The following IL1RAPL2 variants were observed in gnomAD, a reference collection of about 807,000 sequenced individuals.
IL1RAPL2 encodes X-linked interleukin-1 receptor accessory protein-like 2.
IL1RAPL2 carries 3 observed loss-of-function variants against 44.1 expected under a neutral mutation model. The observed-to-expected ratio is 0.07, with a 90% CI of 0.03 to 0.18. IL1RAPL2 has a LOEUF of 0.18. IL1RAPL2 is among the 10% of genes least tolerant of loss of function. IL1RAPL2 has a pLI of 1.00. For synonymous variants in IL1RAPL2, 181 were observed against 178.8 expected (o/e 1.01, Z -0.10); for missense variants, 391 against 496.4 (o/e 0.79, Z 2.02).
chrX:104,962,373 T>A (rs759163967), intron 2 of IL1RAPL2, among the ~76,000 whole-genome samples: 1 of 112,072 alleles, frequency 8.9e-6, no homozygotes. Context: ...TTTAGGTTTA[T>A]TGACTTCTTT....
At chrX:105,205,755 A>G (rs558574735) in intron 3 of IL1RAPL2, among the ~76,000 whole-genome samples, 75 of 107,215 alleles carry the variant, frequency 7.0e-4, no homozygotes, top group African/African-American at 2.5e-3. Flanking sequence ...TAAAAAGTTG[A>G]TTTTTAAATT....
At chrX:104,763,577 A>T (rs1187659483) in intron 2 of IL1RAPL2, among the ~76,000 whole-genome samples, 1 of 111,884 alleles carries the variant, frequency 8.9e-6, no homozygotes, top group Non-Finnish European at 1.9e-5. Context: ...TAATAAAGAC[A>T]TGTCCCAGAT....
At chrX:105,353,815 G>A (rs1016676728) in intron 5 of IL1RAPL2, among the ~76,000 whole-genome samples, 4 of 111,572 alleles carry the variant, frequency 3.6e-5, no homozygotes, top group African/African-American at 1.3e-4. Context: ...TTGCCTATCA[G>A]CTTAAGGAGA....
At chrX:105,263,895 T>C (rs1200754957) in intron 4 of IL1RAPL2, among the ~76,000 whole-genome samples, 2 of 111,558 alleles carry the variant, frequency 1.8e-5, no homozygotes, top group African/African-American at 3.3e-5. Flanking sequence ...ACACAGTGAG[T>C]TCAGTATTAG....
chrX:104,933,312 C>CT (rs912174147), intron 2 of IL1RAPL2, among the ~76,000 whole-genome samples: 12 of 111,459 alleles, frequency 1.1e-4, no homozygotes, highest in Non-Finnish European at 2.3e-4. Flanking sequence ...AAAATCTCAT[C>CT]TTTCCCCCCA....
At chrX:104,633,828 TG>T (rs1356844863) in intron 1 of IL1RAPL2, among the ~76,000 whole-genome samples, 4 of 111,683 alleles carry the variant, frequency 3.6e-5, no homozygotes, top group Non-Finnish European at 7.5e-5. Flanking sequence ...AGGGTTTTTT[TG>T]TGTCTCTATT....
chrX:105,406,233 T>C, intron 5 of IL1RAPL2: 1 of 1,123,771 alleles, frequency 8.9e-7, no homozygotes, highest in South Asian at 1.8e-5. Flanking sequence ...CTGGCCCACA[T>C]GTTTAAGGAC....
At chrX:105,381,444 C>A (rs1026784351) in intron 5 of IL1RAPL2, among the ~76,000 whole-genome samples, 1 of 111,460 alleles carries the variant, frequency 9.0e-6, no homozygotes, top group Non-Finnish European at 1.9e-5. Flanking sequence ...AGGCAAAATA[C>A]ATTCATGTGG....
chrX:105,079,989 A>G (rs910213416), intron 2 of IL1RAPL2, among the ~76,000 whole-genome samples: 12 of 112,151 alleles, frequency 1.1e-4, no homozygotes, highest in African/African-American at 3.2e-4. Context: ...TGGCCACATA[A>G]ATATCATCTT....
intron 1 of IL1RAPL2, among the ~76,000 whole-genome samples, chrX:104,614,725 G>A (rs1602644612): frequency 8.9e-6 from 1 of 111,749 alleles, no homozygotes; most frequent in Non-Finnish European, 1.9e-5. Context: ...ACATATTTAG[G>A]ATATTTTAGT....
chrX:104,685,084 G>T (rs1002135516), intron 2 of IL1RAPL2, among the ~76,000 whole-genome samples: 1 of 112,248 alleles, frequency 8.9e-6, no homozygotes, highest in Non-Finnish European at 1.9e-5. Flanking sequence ...TAGTTGCTAT[G>T]TGAAATTCAA....
chrX:105,454,485 C>T (rs1421382370), intron 5 of IL1RAPL2, among the ~76,000 whole-genome samples: 1 of 110,243 alleles, frequency 9.1e-6, no homozygotes, highest in Admixed American at 9.7e-5. Context: ...GTTATGACAC[C>T]AACACTTGAG....
chrX:105,213,392 A>G (rs955724972), intron 3 of IL1RAPL2, among the ~76,000 whole-genome samples: 2 of 108,729 alleles, frequency 1.8e-5, no homozygotes, highest in Admixed American at 1.0e-4. Flanking sequence ...TTGAACATCA[A>G]CTTACTGAAA....
chrX:104,615,167 G>A (rs1929243872), intron 1 of IL1RAPL2, among the ~76,000 whole-genome samples: 1 of 111,222 alleles, frequency 9.0e-6, no homozygotes, highest in Non-Finnish European at 1.9e-5. Flanking sequence ...TCTCTTTTAA[G>A]ACTGGTCTAG....
intron 6 of IL1RAPL2, among the ~76,000 whole-genome samples, chrX:105,678,943 A>G (rs2037898002): frequency 8.9e-6 from 1 of 111,987 alleles, no homozygotes; most frequent in African/African-American, 3.2e-5. Context: ...AAATGCATAA[A>G]TGAAAAAGGC....
intron 6 of IL1RAPL2, among the ~76,000 whole-genome samples, chrX:105,542,729 TTAA>T (rs1338704579): frequency 2.7e-4 from 15 of 56,411 alleles, no homozygotes; most frequent in Non-Finnish European, 6.8e-4. Flanking sequence ...ATTTATTTAT[TTAA>T]TTTATTATTT....
At chrX:105,484,497 A>C (rs2036253061) in intron 6 of IL1RAPL2, 110 bp downstream of exon 6, 2 of 542,111 alleles carry the variant, frequency 3.7e-6, no homozygotes, top group Admixed American at 5.0e-5. Context: ...CATGCAAATC[A>C]ATTTGTGTTC....
At chrX:105,523,929 T>C (rs894137315) in intron 6 of IL1RAPL2, among the ~76,000 whole-genome samples, 1 of 111,699 alleles carries the variant, frequency 9.0e-6, no homozygotes, top group Non-Finnish European at 1.9e-5. Context: ...CAGTGCTTTC[T>C]GAAATGAGCA....
At chrX:105,278,493 GCAAGCTGAGAATATTCTAT>G (rs1334920155) in intron 5 of IL1RAPL2, among the ~76,000 whole-genome samples, 1 of 111,462 alleles carries the variant, frequency 9.0e-6, no homozygotes, top group Admixed American at 9.6e-5. Context: ...AGTGGTTTGA[GCAAGCTGAGAATATTCTAT>G]CAAGGCACCC....
Sources: allele counts gnomAD v4.1 joint callset (sites outside exome capture counted in the v4.1 genomes callset), GRCh38; gene constraint gnomAD v4.1.1; transcripts MANE v1.5; gene names NCBI Gene and HGNC (gene_info 2026-07-23, HGNC 2026-07-21).